The following CFAP20DC variants were observed in gnomAD, a reference collection of about 807,000 sequenced individuals.
CFAP20DC encodes protein CFAP20DC.
In CFAP20DC, 84 loss-of-function variants were observed where a neutral mutation model predicts 101.7. The ratio of observed to expected loss-of-function variants is 0.83; its 90% CI spans 0.69 to 0.99. The LOEUF is 0.99. CFAP20DC is among the 50% of genes least tolerant of loss of function. The pLI, the probability that CFAP20DC is intolerant of heterozygous loss-of-function variation, is 0.00. For synonymous variants in CFAP20DC, 359 were observed against 351.2 expected (o/e 1.02, Z -0.25); for missense variants, 1,007 against 970.3 (o/e 1.04, Z -0.50).
At chr3:58,875,077 T>A (rs2080626833) in intron 7 of CFAP20DC, among the ~76,000 whole-genome samples, 1 of 152,090 alleles carries the variant, frequency 6.6e-6, no homozygotes, top group South Asian at 2.1e-4. Context: ...CTCCAGGACG[T>A]GAGGGATGAG....
intron 6 of CFAP20DC, among the ~76,000 whole-genome samples, chr3:58,911,239 A>T (rs955189630): frequency 2.0e-5 from 3 of 152,172 alleles, no homozygotes; most frequent in African/African-American, 7.2e-5. Context: ...AAATAAAATC[A>T]GGTATATCCA....
intron 3 of CFAP20DC, among the ~76,000 whole-genome samples, chr3:58,720,018 G>T (rs1422086584): frequency 6.6e-6 from 1 of 152,188 alleles, no homozygotes; most frequent in African/African-American, 2.4e-5. Flanking sequence ...GGCTTTTTCT[G>T]ACCATGCCAT....
At chr3:59,019,190 A>G (rs1266883358) in intron 4 of CFAP20DC, 1 of 152,100 alleles carries the variant, frequency 6.6e-6, no homozygotes, top group East Asian at 1.9e-4. Context: ...AGAGCGAAAA[A>G]GCTGAAAACA....
intron 7 of CFAP20DC, among the ~76,000 whole-genome samples, chr3:58,883,158 A>G (rs1195610149): frequency 6.6e-6 from 1 of 152,124 alleles, no homozygotes; most frequent in African/African-American, 2.4e-5. Flanking sequence ...CCACTCTCTC[A>G]TCCCCATCTA....
chr3:58,819,291 A>C (rs1386013118), intron 14 of CFAP20DC, among the ~76,000 whole-genome samples: 2 of 152,154 alleles, frequency 1.3e-5, no homozygotes, highest in African/African-American at 4.8e-5. Flanking sequence ...TAACTAACAT[A>C]AGAGCAGAAC....
intron 13 of CFAP20DC, among the ~76,000 whole-genome samples, chr3:58,836,976 G>C (rs533295252): frequency 6.6e-6 from 1 of 152,242 alleles, no homozygotes; most frequent in South Asian, 2.1e-4. Context: ...GCTTGAAGGA[G>C]AAGGAGGGTA....
chr3:58,769,407 C>A (rs2070628380), intron 15 of CFAP20DC, among the ~76,000 whole-genome samples: 1 of 152,138 alleles, frequency 6.6e-6, no homozygotes, highest in Non-Finnish European at 1.5e-5. Context: ...ATGACCTGCC[C>A]ATTTGTGTGA....
intron 1 of CFAP20DC, among the ~76,000 whole-genome samples, chr3:59,047,594 T>C (rs1699964281): frequency 6.6e-6 from 1 of 152,194 alleles, no homozygotes; most frequent in Non-Finnish European, 1.5e-5. Context: ...CAGACTGTGT[T>C]TTGCAACCAC....
chr3:58,872,413 A>G (rs2080306351), intron 7 of CFAP20DC, among the ~76,000 whole-genome samples: 1 of 152,156 alleles, frequency 6.6e-6, no homozygotes, highest in South Asian at 2.1e-4. Context: ...TTGTGAAAAT[A>G]TACCATACTC....
rs140723509 is a variant in CFAP20DC, at chr3:58,795,108, A to T, written c.2237+11287T>A. Among the ~76,000 whole-genome samples, 690 of 152,304 alleles carry T rather than the reference A, an allele frequency of 4.5e-3. 5 individuals carry two copies. The highest frequency in any genetic ancestry group is 0.016 in the South Asian group (76 of 4,826). ...AGACAGAATGGAGGTGATTGTTATA[A>T]ACTAGAATTAGTACTTCTATTTTTT... On this transcript the variant is annotated intron_variant, in intron 15 of 16. Transcript: ENST00000482387. This position sits in a 1 kb window ranked among gnomAD's most constrained non-coding sequence, Gnocchi z 4.2.
chr3:58,848,323 C>G (rs17059882), intron 13 of CFAP20DC, among the ~76,000 whole-genome samples: 3,842 of 152,102 alleles, frequency 0.025, 176 homozygotes, highest in African/African-American at 0.087. Context: ...ATACTTGAAC[C>G]AAAGCTTTAC....
At chr3:58,801,982 T>C (rs1271677232) in intron 15 of CFAP20DC, among the ~76,000 whole-genome samples, 1 of 152,230 alleles carries the variant, frequency 6.6e-6, no homozygotes, top group African/African-American at 2.4e-5. Context: ...CATGAACATT[T>C]AGAACCTTGC....
chr3:58,938,682 G>A (rs1318539931), intron 4 of CFAP20DC, among the ~76,000 whole-genome samples: 1 of 151,858 alleles, frequency 6.6e-6, no homozygotes, highest in Non-Finnish European at 1.5e-5. Context: ...AATTGGCATT[G>A]TCTTTTCTAC....
intron 12 of CFAP20DC, among the ~76,000 whole-genome samples, chr3:58,855,485 G>A (rs1196043976): frequency 6.6e-6 from 1 of 152,062 alleles, no homozygotes; most frequent in Non-Finnish European, 1.5e-5. Context: ...TCCCATTACT[G>A]GGTATATACC....
intron 5 of CFAP20DC, among the ~76,000 whole-genome samples, chr3:58,920,578 C>T (rs2085253432): frequency 6.6e-6 from 1 of 152,122 alleles, no homozygotes; most frequent in South Asian, 2.1e-4. Context: ...AATAATTTCT[C>T]TGTATCTATT....
intron 16 of CFAP20DC, among the ~76,000 whole-genome samples, chr3:58,743,144 A>G (rs933350192): frequency 1.3e-5 from 2 of 152,184 alleles, no homozygotes; most frequent in African/African-American, 4.8e-5. Flanking sequence ...AAGTCTGCTC[A>G]GTGTTTTGGG....
chr3:58,763,963 C>T (rs1349097887), intron 15 of CFAP20DC, among the ~76,000 whole-genome samples: 2 of 152,168 alleles, frequency 1.3e-5, no homozygotes, highest in African/African-American at 2.4e-5. Context: ...GGGGTTCCTC[C>T]CAGTTAGGCT....
At chr3:58,947,199 T>C (rs979028751) in intron 4 of CFAP20DC, among the ~76,000 whole-genome samples, 9 of 152,110 alleles carry the variant, frequency 5.9e-5, no homozygotes, top group Non-Finnish European at 1.3e-4. Flanking sequence ...CCTGCAACCA[T>C]TTACTTTACT....
intron 6 of CFAP20DC, among the ~76,000 whole-genome samples, chr3:58,891,344 A>C (rs1448593621): frequency 1.3e-5 from 2 of 150,454 alleles, no homozygotes; most frequent in East Asian, 4.0e-4. Flanking sequence ...GGGAGGTTGC[A>C]GTGAGCCGAG....
Sources: allele counts gnomAD v4.1 joint callset (sites outside exome capture counted in the v4.1 genomes callset), GRCh38; gene constraint gnomAD v4.1.1; non-coding constraint Gnocchi (gnomAD v3.1); transcripts MANE v1.5; gene names NCBI Gene and HGNC (gene_info 2026-07-23, HGNC 2026-07-21).